Variants in CACNA1B observed in about 807,000 individuals in gnomAD.
CACNA1B encodes voltage-dependent N-type calcium channel subunit alpha-1B.
A neutral mutation model predicts 247.2 loss-of-function variants in CACNA1B; 70 were observed. The observed-to-expected ratio is 0.28, with a 90% confidence interval of 0.23 to 0.35. The LOEUF is 0.35. CACNA1B is among the 10% of genes least tolerant of loss of function. The pLI is 1.00. For missense variants in CACNA1B, 2,367 were observed against 3,197.4 expected, an observed-to-expected ratio of 0.74 and a Z score of 6.26; for synonymous variants, 1,231 against 1,294.4, an observed-to-expected ratio of 0.95 and a Z score of 1.05.
At chr9:137,944,346 GT>G (rs1359511054) in intron 6 of CACNA1B, among the ~76,000 whole-genome samples, 1 of 152,126 alleles carries the variant, frequency 6.6e-6, no homozygotes, top group Non-Finnish European at 1.5e-5. Flanking sequence ...CTTGCCCAGT[GT>G]AACTTCCTTT....
At chr9:137,930,855 G>A (rs896838902) in intron 6 of CACNA1B, among the ~76,000 whole-genome samples, 1 of 151,874 alleles carries the variant, frequency 6.6e-6, no homozygotes, top group Non-Finnish European at 1.5e-5. Flanking sequence ...TGTGTCTCGG[G>A]TAATTTTGTT....
intron 15 of CACNA1B, among the ~76,000 whole-genome samples, chr9:138,005,525 G>A (rs777659519): frequency 4.6e-5 from 7 of 152,126 alleles, no homozygotes; most frequent in East Asian, 3.9e-4. Flanking sequence ...TAGAAGGAGC[G>A]AGTTCCTAGT....
At chr9:137,979,308 G>A (rs1426801509) in intron 12 of CACNA1B, among the ~76,000 whole-genome samples, 2 of 152,310 alleles carry the variant, frequency 1.3e-5, no homozygotes, top group East Asian at 3.9e-4. Context: ...AGAATCTGGT[G>A]TCAAGCTCAT....
Position 137,986,761 on chromosome 9 carries a change from A to G in CACNA1B, c.1902-21A>G. On this transcript the variant is annotated intron_variant, in intron 14 of 46. Coordinates refer to ENST00000371372, the MANE Select transcript of CACNA1B (RefSeq NM_000718.4). The surrounding 1 kb of genome is among the most constrained non-coding windows in gnomAD (Gnocchi z 6.0). ...GCTGCTGACGGGACTGCCACTTCCC[A>G]AGCCTTCCTGTTTTCCTCAGGTTCA... The G allele has an allele frequency of 2.5e-6, 4 of 1,606,576 alleles. No homozygotes were observed. Among genetic ancestry groups the G allele is most frequent in the Non-Finnish European group, 3.4e-6 (4 of 1,173,224 alleles).
At chr9:138,108,057 C>CCAGGTG (rs769581995) in intron 39 of CACNA1B, among the ~76,000 whole-genome samples, 1 of 143,946 alleles carries the variant, frequency 6.9e-6, no homozygotes, top group Non-Finnish European at 1.5e-5. Context: ...GATAACCAGG[C>CCAGGTG]CAGGTGCCCT....
intron 34 of CACNA1B, among the ~76,000 whole-genome samples, chr9:138,074,800 G>A (rs1032455766): frequency 2.6e-4 from 40 of 152,230 alleles, no homozygotes; most frequent in African/African-American, 9.2e-4. Flanking sequence ...TGTGTTTGCC[G>A]AGTGGCTTGC....
At chr9:137,894,929 G>A (rs2133249970) in intron 3 of CACNA1B, among the ~76,000 whole-genome samples, 1 of 152,222 alleles carries the variant, frequency 6.6e-6, no homozygotes, top group South Asian at 2.1e-4. Context: ...TAAGGCTTGT[G>A]GTGCGAACTC....
At position 137,986,604 on chromosome 9, in the gene CACNA1B, A is replaced by G; in HGVS notation, c.1901+60A>G. On this transcript the variant is annotated intron_variant, in intron 14 of 46. Coordinates refer to ENST00000371372, the MANE Select transcript of CACNA1B (RefSeq NM_000718.4). The surrounding 1 kb of genome is among the most constrained non-coding windows in gnomAD (Gnocchi z 6.0). ...GGGCTTGCAGGGAAGCAGAGCTCAGAGCAGACGGTGCCGCCCAGGCTGCCT... is the reference window on the plus strand; with the variant it reads ...GGGCTTGCAGGGAAGCAGAGCTCAGGGCAGACGGTGCCGCCCAGGCTGCCT... 1 of 1,599,192 alleles carries G rather than the reference A, an allele frequency of 6.3e-7. No homozygotes were observed. The highest frequency in any genetic ancestry group is 1.1e-5 in the South Asian group (1 of 90,456).
intron 39 of CACNA1B, among the ~76,000 whole-genome samples, chr9:138,109,258 A>G (rs1394217950): frequency 6.6e-6 from 1 of 152,254 alleles, no homozygotes; most frequent in Non-Finnish European, 1.5e-5. Flanking sequence ...CTTTTCTACA[A>G]ATGATGCTGG....
intron 20 of CACNA1B, among the ~76,000 whole-genome samples, chr9:138,033,753 CACTT>C (rs1959011432): frequency 6.6e-6 from 1 of 152,160 alleles, no homozygotes; most frequent in African/African-American, 2.4e-5. Flanking sequence ...GAGCGCAAGA[CACTT>C]AATAAGACCA....
intron 5 of CACNA1B, among the ~76,000 whole-genome samples, chr9:137,916,697 T>G (rs1464468123): frequency 6.6e-6 from 1 of 151,864 alleles, no homozygotes; most frequent in African/African-American, 2.4e-5. Flanking sequence ...TGCTGGCAGT[T>G]TGGCTGTGAG....
At chr9:138,086,283 G>A (rs916596156) in intron 36 of CACNA1B, among the ~76,000 whole-genome samples, 3 of 151,222 alleles carry the variant, frequency 2.0e-5, no homozygotes, top group Admixed American at 2.0e-4. Context: ...GTAAAGGGAT[G>A]AAAAACATAC....
Position 138,054,114 on chromosome 9 carries a change from A to G in CACNA1B, c.3968+108A>G, listed in dbSNP as rs1959404975. Reference sequence around the variant, plus strand: ...CTGGTCACACGGCGTGGGAGACTCCACTGCAGAGCATCACGGACCCTGCCT... The same window carrying G: ...CTGGTCACACGGCGTGGGAGACTCCGCTGCAGAGCATCACGGACCCTGCCT... On this transcript the variant is annotated intron_variant, in intron 26 of 46. Coordinates refer to ENST00000371372, the MANE Select transcript of CACNA1B (RefSeq NM_000718.4). This position sits in a 1 kb window ranked among gnomAD's most constrained non-coding sequence, Gnocchi z 4.6. 1 of 1,036,758 alleles carries G rather than the reference A, an allele frequency of 9.6e-7. No individual in the cohort carries two copies. 64.2% of individuals were successfully genotyped at this position (1,036,758 alleles called of 1,614,324 possible).
chr9:137,965,422 T>G (rs1958063176), intron 10 of CACNA1B, among the ~76,000 whole-genome samples: 1 of 152,232 alleles, frequency 6.6e-6, no homozygotes. Context: ...GGCGCATGCC[T>G]GTAATCCCAG....
intron 20 of CACNA1B, chr9:138,032,620 C>G: frequency 1.6e-5 from 7 of 444,404 alleles, no homozygotes; most frequent in South Asian, 1.1e-4. Context: ...ATTTTCCCTT[C>G]ATTCCTGAAG....
intron 18 of CACNA1B, among the ~76,000 whole-genome samples, chr9:138,017,907 TTAGG>T (rs1958813438): frequency 8.3e-6 from 1 of 120,326 alleles, no homozygotes; most frequent in African/African-American, 3.9e-5. Context: ...TCAGGTGCAG[TTAGG>T]CCACCTGCCC....
At position 138,051,690 on chromosome 9, in the gene CACNA1B, G is replaced by C. The variant is rs1329832135; in HGVS notation, c.3711-402G>C. 6.6e-6 allele frequency among the ~76,000 whole-genome samples: 1 copy of C among 152,064 alleles called. No homozygotes were observed. The highest frequency in any genetic ancestry group is 2.4e-5 in the African/African-American group (1 of 41,396). ...TACCTCCCTCTAGCCAGCCCAAAAA[G>C]CAAGGAAAAAAGCCCTTCCAGAAGA... On this transcript the variant is annotated intron_variant, in intron 24 of 46. Coordinates refer to ENST00000371372, the MANE Select transcript of CACNA1B (RefSeq NM_000718.4). This position sits in a 1 kb window ranked among gnomAD's most constrained non-coding sequence, Gnocchi z 4.3.
intron 15 of CACNA1B, among the ~76,000 whole-genome samples, chr9:137,996,569 G>C (rs1958503157): frequency 1.3e-5 from 2 of 151,966 alleles, no homozygotes; most frequent in African/African-American, 4.8e-5. Context: ...TTGGGTGATG[G>C]GTGCACCAAA....
At chr9:137,985,911 G>A (rs897135711) in intron 13 of CACNA1B, among the ~76,000 whole-genome samples, 3 of 152,252 alleles carry the variant, frequency 2.0e-5, no homozygotes, top group Non-Finnish European at 2.9e-5. Context: ...CCTTGTCCCT[G>A]GTGAGGGGGC....
Sources: allele counts gnomAD v4.1 joint callset (sites outside exome capture counted in the v4.1 genomes callset), GRCh38; gene constraint gnomAD v4.1.1; non-coding constraint Gnocchi (gnomAD v3.1); transcripts MANE v1.5; gene names NCBI Gene and HGNC (gene_info 2026-07-23, HGNC 2026-07-21).